The following ALS2 variants were observed in gnomAD, a reference collection of about 807,000 sequenced individuals.
ALS2 encodes the protein alsin.
Under a neutral mutation model 203.4 loss-of-function variants are expected in ALS2, and 117 were observed. The observed-to-expected ratio is 0.58, with a 90% confidence interval of 0.50 to 0.67. The LOEUF (loss-of-function observed/expected upper bound fraction) is 0.67, where lower values mean the gene tolerates loss of function less well. Ranked by LOEUF, ALS2 falls within the 30% of genes least tolerant of loss-of-function variation. The pLI, the probability that ALS2 is intolerant of heterozygous loss-of-function variation, is 0.00. For synonymous variants in ALS2, 718 were observed against 725.9 expected, an observed-to-expected ratio of 0.99 and a Z score of 0.17; for missense variants, 1,715 against 1,989.4, an observed-to-expected ratio of 0.86 and a Z score of 2.62.
chr2:201,715,894 C>A, intron 24 of ALS2, 55 bp from the exon 25 acceptor site: 1 of 1,601,964 alleles, frequency 6.2e-7, no homozygotes, highest in South Asian at 1.1e-5. Context: ...AAAATTGTTC[C>A]AAAGAACAGA....
chr2:201,741,933 T>A, intron 10 of ALS2, 79 bp from the exon 11 acceptor site: 1 of 1,272,696 alleles, frequency 7.9e-7, no homozygotes. Flanking sequence ...TGATTATGAA[T>A]TCCTCTAAGA....
chr2:201,735,329 C>A (rs1443113318), intron 12 of ALS2, among the ~76,000 whole-genome samples: 2 of 152,148 alleles, frequency 1.3e-5, no homozygotes, highest in African/African-American at 4.8e-5. Flanking sequence ...CTAAATTGTA[C>A]ACTTATTAGT....
At chr2:201,745,406 GA>G (rs1692564981) in intron 9 of ALS2, among the ~76,000 whole-genome samples, 1 of 150,204 alleles carries the variant, frequency 6.7e-6, no homozygotes, top group Admixed American at 6.6e-5. Context: ...TTACTAGCCA[GA>G]AAAACAAACA....
At position 201,741,847 on chromosome 2, in the gene ALS2, C is replaced by A. The variant is rs1332686018; in HGVS notation, c.2178G>T (p.Leu726Phe). The change falls in exon 11 of 34, where the codon TTG becomes TTT. Residue 726 changes from leucine to phenylalanine, a missense_variant. By Grantham distance (22) the Leu-to-Phe change is conservative (BLOSUM62 0). This residue lies in a region of ALS2 where 1,227 missense variants were observed against 1,413.5 expected (regional missense o/e 0.87). Transcript: ENST00000264276. ...ACAGCTGGACTGTAGTTGTAGTGCC[C>A]AAATTTTCTATAACAAAATAATGAT... ...ILRPLLSLEN[L>F]GTTTTVQLLQ... The A allele has an allele frequency of 6.2e-7, 1 of 1,612,488 alleles. No homozygotes were observed.
At chr2:201,741,945 T>A in intron 10 of ALS2, 91 bp from the exon 11 acceptor site, 1 of 1,186,802 alleles carries the variant, frequency 8.4e-7, no homozygotes, top group Non-Finnish European at 1.2e-6. Flanking sequence ...CCTCTAAGAC[T>A]ACTTAACCTG....
chr2:201,723,417 C>A lies in ALS2; in HGVS notation c.3537G>T (p.Trp1179Cys). 1 of 1,613,990 alleles carries A rather than the reference C, an allele frequency of 6.2e-7. No homozygotes were observed. The highest frequency in any genetic ancestry group is 8.5e-7 in the Non-Finnish European group (1 of 1,179,910). Residue 1179 changes from tryptophan (W) to cysteine (C), a missense_variant, in exon 22 of 34, where the codon TGG becomes TGT. Trp to Cys is a radical substitution (Grantham distance 215, BLOSUM62 -2). Around this residue, in one of 3 missense-constraint regions of ALS2, gnomAD observed 1,227 missense variants for 1,413.5 expected, o/e 0.87. Coordinates refer to ENST00000264276, the MANE Select transcript of ALS2 (RefSeq NM_020919.4). ...ITRGEKYMGM[W>C]QDDVCQGNGV... is the part of the protein sequence containing the mutation. ...CATTCCCTTGACACACATCATCTTGCCACATTCCCATATACTTTTCCCCCC... is the reference window on the plus strand; with the variant it reads ...CATTCCCTTGACACACATCATCTTGACACATTCCCATATACTTTTCCCCCC...
intron 9 of ALS2, among the ~76,000 whole-genome samples, chr2:201,744,684 T>C (rs1280690981): frequency 6.6e-6 from 1 of 152,100 alleles, no homozygotes; most frequent in Non-Finnish European, 1.5e-5. Context: ...TACATCATTG[T>C]TATATATGCA....
intron 15 of ALS2, 115 bp downstream of exon 15, chr2:201,728,397 T>A (rs1330355880): frequency 4.2e-6 from 6 of 1,438,654 alleles, no homozygotes; most frequent in Non-Finnish European, 5.9e-6. Flanking sequence ...CTAGCCTCTT[T>A]TAGTCAACAG....
intron 10 of ALS2, among the ~76,000 whole-genome samples, chr2:201,742,381 A>C (rs1692337526): frequency 6.6e-6 from 1 of 152,236 alleles, no homozygotes; most frequent in Non-Finnish European, 1.5e-5. Context: ...TGGACCACTG[A>C]GGATGCTCTG....
At position 201,724,332 on chromosome 2, in the gene ALS2, T is replaced by C. The variant is rs1284050738; in HGVS notation, c.3475A>G (p.Lys1159Glu). ...TCAAAGACACCATATCCTGCTTTCT[T>C]ATCCATTACCCACTGGCCAATGAAC... is the stretch of plus-strand genomic sequence containing the variant. ...SMFIGQWVMDKKAGYGVFDDI... is the reference protein window; with the variant it reads ...SMFIGQWVMDEKAGYGVFDDI... Residue 1159 changes from lysine (K) to glutamate (E), a missense_variant, in exon 21 of 34, where the codon AAG becomes GAG. Around this residue, in one of 3 missense-constraint regions of ALS2, gnomAD observed 1,227 missense variants for 1,413.5 expected, o/e 0.87. Coordinates refer to ENST00000264276, the MANE Select transcript of ALS2 (RefSeq NM_020919.4). 4 of 1,613,990 alleles carry C rather than the reference T, an allele frequency of 2.5e-6. No individual in the cohort carries two copies. Among genetic ancestry groups the C allele is most frequent in the Non-Finnish European group, 3.4e-6 (4 of 1,179,974 alleles).
At chr2:201,723,671 C>T (rs2105999529) in intron 21 of ALS2, among the ~76,000 whole-genome samples, 1 of 152,272 alleles carries the variant, frequency 6.6e-6, no homozygotes, top group Non-Finnish European at 1.5e-5. Context: ...TGACACAGAT[C>T]TGTATATATC....
intron 1 of ALS2, 70 bp from the exon 2 acceptor site, chr2:201,769,015 AGCAGCCCTCT>A: frequency 1.2e-5 from 9 of 720,304 alleles, no homozygotes; most frequent in Non-Finnish European, 1.8e-5. Context: ...AAAAAAAAAA[AGCAGCCCTCT>A]AACAAGTGCA....
chr2:201,759,782 C>T lies in ALS2; in HGVS notation c.1113+1099G>A, dbSNP rs948858526. On this transcript the variant is annotated intron_variant, in intron 4 of 33. Coordinates refer to ENST00000264276, the MANE Select transcript of ALS2 (RefSeq NM_020919.4). Reference sequence around the variant, plus strand: ...ACAATAAGAATTGAGAATCAAGAGGCTATGTGGTTTCAAAAACCTAAAAAG... The same window carrying T: ...ACAATAAGAATTGAGAATCAAGAGGTTATGTGGTTTCAAAAACCTAAAAAG... The T allele has an allele frequency of 8.1e-6, 8 of 985,028 alleles. No homozygotes were observed. The Admixed American group carries it at 3.7e-4, about 45-fold the overall frequency. 61.0% of individuals were successfully genotyped at this position (985,028 alleles called of 1,614,324 possible).
intron 8 of ALS2, among the ~76,000 whole-genome samples, chr2:201,748,387 C>T (rs1692811480): frequency 6.6e-6 from 1 of 152,170 alleles, no homozygotes; most frequent in African/African-American, 2.4e-5. Flanking sequence ...CTCACTCTGC[C>T]TTCACTTTTA....
intron 1 of ALS2, among the ~76,000 whole-genome samples, chr2:201,769,347 A>G (rs1352642980): frequency 1.3e-5 from 2 of 152,320 alleles, no homozygotes; most frequent in East Asian, 3.9e-4. Flanking sequence ...ATACCAATTA[A>G]CTCAGATTTT....
At chr2:201,772,030 G>A (rs957029177) in intron 1 of ALS2, among the ~76,000 whole-genome samples, 4 of 152,132 alleles carry the variant, frequency 2.6e-5, no homozygotes, top group Non-Finnish European at 5.9e-5. Flanking sequence ...CTGAACCGCA[G>A]GACACAGCTA....
chr2:201,708,433 T>C (rs1235643460), intron 27 of ALS2, among the ~76,000 whole-genome samples: 2 of 152,178 alleles, frequency 1.3e-5, no homozygotes, highest in African/African-American at 4.8e-5. Flanking sequence ...GAGGCACATA[T>C]GTAGTTGTGT....
chr2:201,771,049 T>C (rs1424975271), intron 1 of ALS2, among the ~76,000 whole-genome samples: 1 of 149,980 alleles, frequency 6.7e-6, no homozygotes, highest in Non-Finnish European at 1.5e-5. Flanking sequence ...CAGATTTTTT[T>C]TTTTTTTTTT....
At chr2:201,731,922 T>C (rs1691580547) in intron 13 of ALS2, among the ~76,000 whole-genome samples, 1 of 152,162 alleles carries the variant, frequency 6.6e-6, no homozygotes, top group African/African-American at 2.4e-5. Flanking sequence ...AGAATGAGGA[T>C]GGGAGTGGGA....
Sources: allele counts gnomAD v4.1 joint callset (sites outside exome capture counted in the v4.1 genomes callset), GRCh38; gene constraint gnomAD v4.1.1; regional missense constraint gnomAD v4.1.1; transcripts MANE v1.5; gene names NCBI Gene and HGNC (gene_info 2026-07-23, HGNC 2026-07-21).